KIF20B: variants seen among roughly 807,000 people sequenced by gnomAD.
KIF20B encodes kinesin family member 20B, also known as kinesin-like protein KIF20B.
Under a neutral mutation model 232.5 loss-of-function variants are expected in KIF20B, and 188 were observed. That is an observed-to-expected ratio of 0.81 (90% CI 0.72 to 0.91). The LOEUF is 0.91. Ranked by LOEUF, KIF20B falls within the 40% of genes least tolerant of loss-of-function variation. The probability of loss-of-function intolerance (pLI) is 0.00; values close to 1 mark genes in which losing one functional copy is unlikely to be tolerated. For missense variants in KIF20B, 2,154 were observed against 2,055.9 expected (o/e 1.05, Z -0.92); for synonymous variants, 712 against 683.0 (o/e 1.04, Z -0.66).
chr10:89,751,249 A>T, intron 23 of KIF20B, 97 bp from the exon 24 acceptor site: 1 of 968,156 alleles, frequency 1.0e-6, no homozygotes, highest in Non-Finnish European at 1.5e-6. Flanking sequence ...ATATTCTATT[A>T]CAGTTAATAA....
At chr10:89,771,930 T>C (rs980954263) in intron 31 of KIF20B, among the ~76,000 whole-genome samples, 3 of 151,920 alleles carry the variant, frequency 2.0e-5, no homozygotes, top group Admixed American at 2.0e-4. Context: ...TTACTTTCAT[T>C]TTGGCTTGTT....
chr10:89,713,712 A>G (rs1842879864), intron 6 of KIF20B, among the ~76,000 whole-genome samples: 1 of 152,244 alleles, frequency 6.6e-6, no homozygotes, highest in South Asian at 2.1e-4. Flanking sequence ...CACATGTTTT[A>G]TATAGCCATC....
At chr10:89,758,190 C>T (rs1316612026) in intron 26 of KIF20B, among the ~76,000 whole-genome samples, 3 of 151,970 alleles carry the variant, frequency 2.0e-5, no homozygotes, top group Admixed American at 6.6e-5. Context: ...TTGGAGGAGA[C>T]ATCTTAACAA....
intron 32 of KIF20B, 78 bp downstream of exon 32, chr10:89,772,909 A>G (rs950026957): frequency 9.0e-5 from 114 of 1,269,174 alleles, no homozygotes; most frequent in African/African-American, 4.1e-4. Context: ...TTGAATTTCA[A>G]TTCTTTAGAT....
chr10:89,708,699 T>A (rs1003318782), intron 2 of KIF20B, among the ~76,000 whole-genome samples: 24 of 152,160 alleles, frequency 1.6e-4, no homozygotes, highest in African/African-American at 5.5e-4. Context: ...TTTACTTTTT[T>A]AAAAAAACAT....
intron 28 of KIF20B, 111 bp from the exon 29 acceptor site, chr10:89,762,516 CTAGCACGCTTT>C: frequency 1.5e-6 from 1 of 675,526 alleles, no homozygotes; most frequent in Non-Finnish European, 2.5e-6. Flanking sequence ...TTGCTGTGAT[CTAGCACGCTTT>C]TTGTCTTTCC....
At chr10:89,743,989 A>G in intron 22 of KIF20B, 62 bp downstream of exon 22, 1 of 1,401,242 alleles carries the variant, frequency 7.1e-7, no homozygotes, top group Non-Finnish European at 9.6e-7. Flanking sequence ...TTAGTGTACA[A>G]AAAGGTACAA....
chr10:89,730,858 T>TA (rs936574888), intron 18 of KIF20B, among the ~76,000 whole-genome samples: 4 of 152,110 alleles, frequency 2.6e-5, no homozygotes, highest in African/African-American at 7.2e-5. Flanking sequence ...TTTGAGTAGA[T>TA]ATTTTTGGAA....
chr10:89,755,198 C>T (rs1372094232), intron 26 of KIF20B, among the ~76,000 whole-genome samples: 4 of 152,138 alleles, frequency 2.6e-5, no homozygotes, highest in Admixed American at 6.5e-5. Context: ...TAAACGTTAT[C>T]GTTAATCCGA....
Position 89,738,612 on chromosome 10 carries a change from A to G in KIF20B, c.3771A>G (p.Thr1257=), listed in dbSNP as rs202136691. The change falls in exon 20 of 33, where the codon ACA becomes ACG. Residue 1257 remains threonine (T), a synonymous_variant. Transcript: ENST00000371728. ...AAGAAGAAACCAACAGGCAAGAAAC[A>G]GAAAAGTAAGCTAAATGTTATTCAA... is the stretch of plus-strand genomic sequence containing the variant. ...EEEEETNRQE[T]EKLKEELSAS... is the part of the protein sequence containing the mutation. 1.2e-4 allele frequency: 179 copies of G among 1,548,358 alleles called. No individual in the cohort carries two copies. Among genetic ancestry groups the G allele is most frequent in the Admixed American group, 2.4e-4 (11 of 45,280 alleles).
In KIF20B at chr10:89,709,321, A is replaced by G. The variant is rs146592890; in HGVS notation, c.235-24A>G. 4.2e-4 allele frequency: 669 copies of G among 1,595,446 alleles called. 1 individual carries two copies. The African/African-American group carries it at 8.1e-3, about 19-fold the overall frequency. On this transcript the variant is annotated intron_variant, in intron 3 of 32. Transcript: ENST00000371728. ...TTAAAATGGCAAAATACTAGTTTTT[A>G]TTTATTGGGGGTATGTTTTCTAGGG...
In KIF20B at chr10:89,760,705, G is replaced by A. The variant is rs1842221800; in HGVS notation, c.4791+69G>A. 6.4e-6 allele frequency: 6 copies of A among 935,168 alleles called. No individual in the cohort carries two copies. The South Asian group carries it at 7.1e-5, about 11-fold the overall frequency. 57.9% of individuals were successfully genotyped at this position (935,168 alleles called of 1,614,324 possible). ...CACTATTACTAAATAACACGTACAA[G>A]TAAGTTGCTGAAGATACCTTACTGC... On this transcript the variant is annotated intron_variant, in intron 28 of 32. Transcript: ENST00000371728.
intron 19 of KIF20B, among the ~76,000 whole-genome samples, chr10:89,735,712 G>C (rs1043096579): frequency 6.6e-6 from 1 of 151,512 alleles, no homozygotes; most frequent in African/African-American, 2.4e-5. Flanking sequence ...TAATTTTTTT[G>C]TGTTTTTAGT....
At chr10:89,714,012 GTTTT>G (rs1373614527) in intron 6 of KIF20B, 31 bp from the exon 7 acceptor site, 2 of 1,090,294 alleles carry the variant, frequency 1.8e-6, no homozygotes, top group Non-Finnish European at 2.6e-6. Context: ...TAATGAAAAT[GTTTT>G]TTTAATTTTT....
In KIF20B at chr10:89,762,664, T is replaced by G. The variant is rs1253967842; in HGVS notation, c.4818T>G (p.Cys1606Trp). The change falls in exon 29 of 33, where the codon TGT becomes TGG. Residue 1606 changes from cysteine (C) to tryptophan (W), a missense_variant. Physicochemically the swap from Cys to Trp is radical, Grantham distance 215 (BLOSUM62 -2). Coordinates refer to ENST00000371728, the MANE Select transcript of KIF20B (RefSeq NM_001284259.2). Reference protein sequence around the residue: ...IEDGSVVLDSCEVSTENDQST... With the variant: ...IEDGSVVLDSWEVSTENDQST... ...ATGGATCTGTAGTCCTTGACTCTTG[T>G]GAAGTGTCAACAGAAAATGATCAAA... The G allele has an allele frequency of 1.2e-6, 2 of 1,612,964 alleles. No individual in the cohort carries two copies. Among genetic ancestry groups the G allele is most frequent in the African/African-American group, 2.7e-5 (2 of 74,882 alleles).
At position 89,725,132 on chromosome 10, in the gene KIF20B, A is replaced by G; in HGVS notation, c.1975A>G (p.Ile659Val). 6.2e-7 allele frequency: 1 copy of G among 1,614,020 alleles called. No individual in the cohort carries two copies. The highest frequency in any genetic ancestry group is 8.5e-7 in the Non-Finnish European group (1 of 1,179,962). ...CACTCGAGAAGAAGCAGCGAAAGAC[A>G]TTTGTGCCACAAAAGTTGAAACTGA... is the stretch of plus-strand genomic sequence containing the variant. ...CDTREEAAKD[I>V]CATKVETEET... Residue 659 changes from isoleucine to valine, a missense_variant, in exon 15 of 33, where the codon ATT becomes GTT. By Grantham distance (29) the Ile-to-Val change is conservative (BLOSUM62 3). Coordinates refer to ENST00000371728, the MANE Select transcript of KIF20B (RefSeq NM_001284259.2).
chr10:89,724,055 T>G lies in KIF20B; in HGVS notation c.1814T>G (p.Val605Gly). The change falls in exon 14 of 33, where the codon GTT becomes GGT. Residue 605 changes from valine to glycine, a missense_variant. Transcript: ENST00000371728. ...TTGGAATTTAAAATTCGAGAAGAAG[T>G]TACACAGGAGTTTACTCAGTATTGG... ...LTLEFKIREE[V>G]TQEFTQYWAQ... 1 of 1,577,230 alleles carries G rather than the reference T, an allele frequency of 6.3e-7. No homozygotes were observed. The highest frequency in any genetic ancestry group is 8.6e-7 in the Non-Finnish European group (1 of 1,166,668).
intron 13 of KIF20B, among the ~76,000 whole-genome samples, chr10:89,722,663 C>T (rs1048544727): frequency 3.3e-5 from 5 of 151,892 alleles, no homozygotes; most frequent in Admixed American, 1.3e-4. Context: ...AGTGAGACTC[C>T]GTCTCAAAAA....
intron 11 of KIF20B, among the ~76,000 whole-genome samples, chr10:89,718,275 G>A (rs1842976735): frequency 6.6e-6 from 1 of 152,102 alleles, no homozygotes; most frequent in African/African-American, 2.4e-5. Context: ...TGTAATCCCA[G>A]CACTTTTGGA....
Sources: gnomAD v4.1 joint callset for allele counts (sites outside exome capture counted in the v4.1 genomes callset) on GRCh38, gnomAD v4.1.1 for gene constraint, MANE v1.5 for transcripts, NCBI Gene and HGNC (gene_info 2026-07-23, HGNC 2026-07-21) for gene names.